ZNF704: variants seen among roughly 807,000 people sequenced by gnomAD.
The protein encoded by ZNF704 is zinc finger protein 704.
ZNF704 carries 10 observed loss-of-function variants against 44.7 expected under a neutral mutation model. The ratio of observed to expected loss-of-function variants is 0.22; its 90% CI spans 0.14 to 0.38. ZNF704 has a LOEUF of 0.38. ZNF704 is among the 10% of genes least tolerant of loss of function. The pLI, the probability that ZNF704 is intolerant of heterozygous loss-of-function variation, is 1.00. For missense variants in ZNF704, 390 were observed against 545.5 expected (o/e 0.71, Z 2.84); for synonymous variants, 211 against 207.6 (o/e 1.02, Z -0.14).
chr8:80,798,406 C>T (rs1807843549), intron 2 of ZNF704, among the ~76,000 whole-genome samples: 1 of 152,132 alleles, frequency 6.6e-6, no homozygotes, highest in Admixed American at 6.5e-5. Context: ...CAGGCACTAG[C>T]CACCACGCCC....
intron 1 of ZNF704, among the ~76,000 whole-genome samples, chr8:80,830,876 G>C (rs531667696): frequency 4.7e-4 from 70 of 148,084 alleles, no homozygotes; most frequent in African/African-American, 1.7e-3. Context: ...TCCTGCCTCA[G>C]CCTCCCAAGT....
At chr8:80,663,889 C>T (rs1314797707) in intron 6 of ZNF704, among the ~76,000 whole-genome samples, 1 of 151,838 alleles carries the variant, frequency 6.6e-6, no homozygotes, top group Non-Finnish European at 1.5e-5. Flanking sequence ...ACCACCATGC[C>T]TGGCTAATTT....
rs1237352060 is a variant in ZNF704 at position 80,636,985 on chromosome 8, G to A, written c.*4381C>T. On this transcript the variant is annotated 3_prime_UTR_variant, in exon 9 of 9. Transcript: ENST00000327835. Reference sequence around the variant, plus strand: ...GGGTAATGATAAAAAGGACCAGCAAGGCTTTGTATTCACAATTACATTCAG... The same window carrying A: ...GGGTAATGATAAAAAGGACCAGCAAAGCTTTGTATTCACAATTACATTCAG... 1 of 152,180 alleles carries A rather than the reference G, an allele frequency of 6.6e-6. No individual in the cohort carries two copies. The highest frequency in any genetic ancestry group is 6.5e-5 in the Admixed American group (1 of 15,284). 9.4% of individuals were successfully genotyped at this position (152,180 alleles called of 1,614,324 possible). A position where few individuals can be genotyped will look rare whatever the true frequency, so the allele number is the denominator to read the frequency against.
At chr8:80,686,803 T>C (rs1344159261) in intron 4 of ZNF704, among the ~76,000 whole-genome samples, 1 of 152,134 alleles carries the variant, frequency 6.6e-6, no homozygotes, top group Non-Finnish European at 1.5e-5. Flanking sequence ...AAAAATGAGA[T>C]ACAAAATATT....
In ZNF704 at chr8:80,830,328, G is replaced by A. The variant is rs546447888; in HGVS notation, c.-21-8713C>T. Among the ~76,000 whole-genome samples, 64 of 152,288 alleles carry A rather than the reference G, an allele frequency of 4.2e-4. 1 individual carries two copies. In the South Asian group the frequency reaches 0.013, roughly 32 times the overall value. On this transcript the variant is annotated intron_variant, in intron 1 of 8. Transcript: ENST00000327835. ...AGGTGACAAGGCTCATCCAGTTATT[G>A]CAAATGAGCACTGACTGGAACCTAC...
In ZNF704 at chr8:80,874,033, C is replaced by T. The variant is rs1274039835; in HGVS notation, c.-22+538G>A. On this transcript the variant is annotated intron_variant, in intron 1 of 8. Transcript: ENST00000327835. The surrounding 1 kb of genome is among the most constrained non-coding windows in gnomAD (Gnocchi z 4.4). ...CCAGGCTGGAGCGCTTGGCTAGACG[C>T]CGCGCCTGCATGCCTGAGCGCGGGG... 6.8e-6 allele frequency among the ~76,000 whole-genome samples: 1 copy of T among 146,876 alleles called. No individual in the cohort carries two copies. The highest frequency in any genetic ancestry group is 1.5e-5 in the Non-Finnish European group (1 of 65,950).
At chr8:80,796,982 AG>A (rs1807815787) in intron 2 of ZNF704, among the ~76,000 whole-genome samples, 1 of 77,732 alleles carries the variant, frequency 1.3e-5, no homozygotes, top group African/African-American at 4.7e-5. Flanking sequence ...GGAGGGAGGG[AG>A]GGAGGGAGGA....
At chr8:80,683,788 G>C (rs1313308129) in intron 4 of ZNF704, among the ~76,000 whole-genome samples, 1 of 152,224 alleles carries the variant, frequency 6.6e-6, no homozygotes, top group East Asian at 1.9e-4. Flanking sequence ...CTGATAGTAA[G>C]AGAGAATGCC....
intron 2 of ZNF704, among the ~76,000 whole-genome samples, chr8:80,773,486 A>T (rs992203133): frequency 2.0e-5 from 3 of 152,200 alleles, no homozygotes; most frequent in Non-Finnish European, 4.4e-5. Context: ...TTTTTGTTTC[A>T]ACCATCAAAC....
upstream of ZNF704, among the ~76,000 whole-genome samples, chr8:80,877,349 T>C (rs1338110132): frequency 1.3e-5 from 2 of 152,210 alleles, no homozygotes; most frequent in Admixed American, 1.3e-4. Context: ...TGCAGGCCAC[T>C]GAAGACCACC....
At chr8:80,714,119 T>C (rs1031536216) in intron 2 of ZNF704, among the ~76,000 whole-genome samples, 3 of 152,300 alleles carry the variant, frequency 2.0e-5, no homozygotes, top group African/African-American at 7.2e-5. Context: ...AGAGAATTTG[T>C]AGAGCCAAAT....
intron 1 of ZNF704, among the ~76,000 whole-genome samples, chr8:80,855,928 C>A (rs1483310087): frequency 6.6e-6 from 1 of 152,186 alleles, no homozygotes; most frequent in Non-Finnish European, 1.5e-5. Flanking sequence ...AATGCTCTCT[C>A]ATTTGGTCAG....
At chr8:80,666,271 A>G (rs1563511568) in intron 5 of ZNF704, among the ~76,000 whole-genome samples, 1 of 150,596 alleles carries the variant, frequency 6.6e-6, no homozygotes, top group Non-Finnish European at 1.5e-5. Flanking sequence ...AATTTCATCC[A>G]TGTCCCTACA....
At chr8:80,802,458 G>A (rs1807918165) in intron 2 of ZNF704, among the ~76,000 whole-genome samples, 1 of 152,106 alleles carries the variant, frequency 6.6e-6, no homozygotes, top group Non-Finnish European at 1.5e-5. Flanking sequence ...CTGGCAAACG[G>A]AATCCAGCAG....
intron 2 of ZNF704, among the ~76,000 whole-genome samples, chr8:80,765,940 T>A (rs1241391416): frequency 6.6e-6 from 1 of 152,280 alleles, no homozygotes; most frequent in South Asian, 2.1e-4. Context: ...TACCAAGCAA[T>A]AATTCATTAG....
intron 7 of ZNF704, among the ~76,000 whole-genome samples, chr8:80,649,337 C>A (rs982123909): frequency 6.6e-6 from 1 of 152,152 alleles, no homozygotes; most frequent in East Asian, 1.9e-4. Flanking sequence ...GGGTGCAGCA[C>A]ACCGAGTGTG....
At chr8:80,710,204 T>C (rs1449400784) in intron 2 of ZNF704, among the ~76,000 whole-genome samples, 1 of 152,210 alleles carries the variant, frequency 6.6e-6, no homozygotes, top group African/African-American at 2.4e-5. Flanking sequence ...GTTACCCTTA[T>C]TAACCTGTTT....
chr8:80,829,769 T>C (rs1808437626), intron 1 of ZNF704, among the ~76,000 whole-genome samples: 2 of 152,122 alleles, frequency 1.3e-5, no homozygotes. Context: ...ACTTTCTAAG[T>C]AAAAAAATTA....
intron 1 of ZNF704, among the ~76,000 whole-genome samples, chr8:80,840,078 T>C (rs1191807625): frequency 6.6e-6 from 1 of 152,194 alleles, no homozygotes. Flanking sequence ...GCTTCATAAA[T>C]GTTTATTGAA....
Sources: gnomAD v4.1 joint callset for allele counts (sites outside exome capture counted in the v4.1 genomes callset) on GRCh38, gnomAD v4.1.1 for gene constraint, Gnocchi (gnomAD v3.1) non-coding constraint, MANE v1.5 for transcripts, NCBI Gene and HGNC (gene_info 2026-07-23, HGNC 2026-07-21) for gene names.